Variants in PLCE1 observed in about 807,000 individuals in gnomAD.
The protein encoded by PLCE1 is 1-phosphatidylinositol 4,5-bisphosphate phosphodiesterase epsilon-1.
In PLCE1, 119 loss-of-function variants were observed where a neutral mutation model predicts 242.8. That is an observed-to-expected ratio of 0.49 (90% CI 0.42 to 0.57). The LOEUF is 0.57. PLCE1 is among the 20% of genes least tolerant of loss of function. PLCE1 has a pLI of 0.00. For synonymous variants in PLCE1, 945 were observed against 1,017.4 expected (o/e 0.93, Z 1.35); for missense variants, 2,441 against 2,788.8 (o/e 0.88, Z 2.81).
At chr10:94,144,667 G>A (rs2047062775) in intron 3 of PLCE1, among the ~76,000 whole-genome samples, 1 of 152,222 alleles carries the variant, frequency 6.6e-6, no homozygotes, top group Non-Finnish European at 1.5e-5. Context: ...ATGGTAACTA[G>A]AGAAGAGGGG....
intron 4 of PLCE1, among the ~76,000 whole-genome samples, chr10:94,183,074 C>T (rs1248754785): frequency 6.6e-6 from 1 of 152,184 alleles, no homozygotes; most frequent in Non-Finnish European, 1.5e-5. Flanking sequence ...CAGCTTTGGT[C>T]AGAGATTAGG....
intron 2 of PLCE1, among the ~76,000 whole-genome samples, chr10:94,062,582 G>GTTTTTTT (rs5787099): frequency 1.1e-4 from 16 of 142,346 alleles, no homozygotes; most frequent in African/African-American, 3.7e-4. Flanking sequence ...TCTTGGTTTT[G>GTTTTTTT]TTTTTTTTTT....
At chr10:94,199,023 G>T (rs2048911972) in intron 4 of PLCE1, among the ~76,000 whole-genome samples, 1 of 152,166 alleles carries the variant, frequency 6.6e-6, no homozygotes, top group South Asian at 2.1e-4. Context: ...CTACACTCCA[G>T]CCTGGGTGAC....
chr10:94,009,187 T>C (rs1206330789), intron 1 of PLCE1, among the ~76,000 whole-genome samples: 1 of 152,142 alleles, frequency 6.6e-6, no homozygotes, highest in African/African-American at 2.4e-5. Context: ...CTTACAATTA[T>C]GGTGGAAGGC....
At chr10:94,301,039 TG>T (rs1342695041) in intron 24 of PLCE1, among the ~76,000 whole-genome samples, 11 of 151,662 alleles carry the variant, frequency 7.3e-5, no homozygotes, top group Admixed American at 2.0e-4. Context: ...AGCGAGACAC[TG>T]TCTCAAAAAA....
intron 4 of PLCE1, among the ~76,000 whole-genome samples, chr10:94,226,417 A>G (rs1171484259): frequency 2.0e-5 from 3 of 152,162 alleles, no homozygotes; most frequent in African/African-American, 7.2e-5. Context: ...GAGGACAGTA[A>G]CAGTCCCTGA....
intron 4 of PLCE1, among the ~76,000 whole-genome samples, chr10:94,214,043 T>G (rs2049432811): frequency 6.6e-6 from 1 of 152,136 alleles, no homozygotes; most frequent in South Asian, 2.1e-4. Flanking sequence ...GTCACAGAAA[T>G]AGTGAAAGGC....
intron 22 of PLCE1, among the ~76,000 whole-genome samples, chr10:94,288,214 T>G (rs757492606): frequency 3.9e-5 from 6 of 152,198 alleles, no homozygotes; most frequent in Non-Finnish European, 8.8e-5. Context: ...AGGTAGTTTT[T>G]CATCCCTCAC....
intron 29 of PLCE1, among the ~76,000 whole-genome samples, chr10:94,319,708 C>G (rs1448145665): frequency 6.6e-6 from 1 of 152,076 alleles, no homozygotes; most frequent in Non-Finnish European, 1.5e-5. Context: ...GATCATGAGA[C>G]TCATGTCAAA....
chr10:94,248,721 C>G (rs2050775073), intron 8 of PLCE1, among the ~76,000 whole-genome samples: 1 of 151,366 alleles, frequency 6.6e-6, no homozygotes, highest in African/African-American at 2.4e-5. Context: ...TTTTTAATTA[C>G]AGCTATTCCT....
chr10:94,266,036 A>G, intron 16 of PLCE1, 78 bp downstream of exon 16: 1 of 1,343,820 alleles, frequency 7.4e-7, no homozygotes, highest in African/African-American at 1.4e-5. Context: ...AAAAAACCTG[A>G]CCCCAGACTC....
Position 94,254,254 on chromosome 10 carries a change from G to T in PLCE1, c.3344G>T (p.Cys1115Phe), listed in dbSNP as rs2132855108. 1 of 1,614,062 alleles carries T rather than the reference G, an allele frequency of 6.2e-7. No individual in the cohort carries two copies. Among genetic ancestry groups the T allele is most frequent in the East Asian group, 2.2e-5 (1 of 44,866 alleles). The change falls in exon 10 of 33, where the codon TGT (cysteine) becomes TTT (phenylalanine). Residue 1115 changes from cysteine (C) to phenylalanine (F), a missense_variant. Transcript: ENST00000371380. ...CGAAAGGCCAAGATGCACAAAGAGT[G>T]TCGAAGCCGGAGTGGTTCTGATCCT... ...ATRKAKMHKE[C>F]RSRSGSDPQD...
intron 2 of PLCE1, among the ~76,000 whole-genome samples, chr10:94,118,807 C>G (rs1188300206): frequency 6.6e-6 from 1 of 152,188 alleles, no homozygotes; most frequent in African/African-American, 2.4e-5. Flanking sequence ...AGCTGAGAGT[C>G]TCTGTAACAG....
Position 94,132,212 on chromosome 10 carries a change from A to G in PLCE1, c.1245A>G (p.Thr415=), listed in dbSNP as rs372304766. 3.8e-5 allele frequency: 62 copies of G among 1,614,046 alleles called. No homozygotes were observed. The African/African-American group carries it at 7.6e-4, about 20-fold the overall frequency. Residue 415 remains threonine (T), a synonymous_variant, in exon 3 of 33, where the codon ACA becomes ACG. Coordinates refer to ENST00000371380, the MANE Select transcript of PLCE1 (RefSeq NM_016341.4). ...TGAGAAGAGAAGAAACAGAAAATAC[A>G]GTTGGATCTCTACTCCATTTCCTCA... The part of the protein sequence containing the change: ...NAVRREETEN[T]VGSLLHFLTK...
rs1284531207 is a variant in PLCE1, at chr10:94,255,914, A to ACACTCT, written c.3554+866_3554+867insACTCTC. On this transcript the variant is annotated intron_variant, in intron 11 of 32. Coordinates refer to ENST00000371380, the MANE Select transcript of PLCE1 (RefSeq NM_016341.4). ...CACACACACACACACACACACACACACTCTCTCTCTCTCTCTCTCTCTCTC... is the reference window on the plus strand; with the variant it reads ...CACACACACACACACACACACACACACACTCTCTCTCTCTCTCTCTCTCTCTCTCTC... Among the ~76,000 whole-genome samples, 327 of 67,320 alleles carry ACACTCT rather than the reference A, an allele frequency of 4.9e-3. 1 individual carries two copies. The highest frequency in any genetic ancestry group is 7.6e-3 in the Non-Finnish European group (275 of 36,310). 44.2% of individuals were successfully genotyped at this position (67,320 alleles called of 152,430 possible).
intron 8 of PLCE1, among the ~76,000 whole-genome samples, chr10:94,247,950 A>G (rs2050744930): frequency 2.0e-5 from 3 of 152,216 alleles, no homozygotes; most frequent in Admixed American, 6.5e-5. Flanking sequence ...GTGTCAAAGT[A>G]TTCAGTTTTT....
chr10:94,289,365 CTGA>C (rs1012452534), intron 22 of PLCE1, among the ~76,000 whole-genome samples: 1 of 152,188 alleles, frequency 6.6e-6, no homozygotes, highest in African/African-American at 2.4e-5. Context: ...GTTGAATCCT[CTGA>C]TGTCTCTGGG....
intron 2 of PLCE1, among the ~76,000 whole-genome samples, chr10:94,037,315 C>T (rs1269931512): frequency 6.6e-6 from 1 of 152,148 alleles, no homozygotes; most frequent in East Asian, 1.9e-4. Flanking sequence ...GGACCAACCG[C>T]TAATAAATTC....
chr10:94,040,236 A>G (rs1292176475), intron 2 of PLCE1, among the ~76,000 whole-genome samples: 1 of 152,230 alleles, frequency 6.6e-6, no homozygotes, highest in East Asian at 1.9e-4. Context: ...GATTACAGGC[A>G]TGCGCCACTG....
Sources: gnomAD v4.1 joint callset for allele counts (sites outside exome capture counted in the v4.1 genomes callset) on GRCh38, gnomAD v4.1.1 for gene constraint, MANE v1.5 for transcripts, NCBI Gene and HGNC (gene_info 2026-07-23, HGNC 2026-07-21) for gene names.